The following ATG13 variants were observed in gnomAD, a reference collection of about 807,000 sequenced individuals.
ATG13 encodes the protein autophagy related 13.
ATG13 carries 23 observed loss-of-function variants against 65.5 expected under a neutral mutation model. The ratio of observed to expected loss-of-function variants is 0.35; its 90% CI spans 0.25 to 0.50. The LOEUF (loss-of-function observed/expected upper bound fraction) is 0.50, where lower values mean the gene tolerates loss of function less well. ATG13 is among the 20% of genes least tolerant of loss of function. The probability of loss-of-function intolerance (pLI) is 0.98; values close to 1 mark genes in which losing one functional copy is unlikely to be tolerated. For missense variants in ATG13, 566 were observed against 677.0 expected, an observed-to-expected ratio of 0.84 and a Z score of 1.82; for synonymous variants, 252 against 245.2, an observed-to-expected ratio of 1.03 and a Z score of -0.26.
chr11:46,650,073 T>C (rs1380046970), intron 6 of ATG13, 104 bp from the exon 7 acceptor site: 2 of 1,288,762 alleles, frequency 1.6e-6, no homozygotes, highest in Admixed American at 4.3e-5. Flanking sequence ...AAAGGTGTAA[T>C]TAGAGTTCTC....
At chr11:46,670,054 C>G (rs201512493) in intron 18 of ATG13, among the ~76,000 whole-genome samples, 1 of 151,342 alleles carries the variant, frequency 6.6e-6, no homozygotes, top group Admixed American at 6.6e-5. Context: ...GTGCCCCGCA[C>G]AAGCCACAAA....
rs138260981 is a variant in ATG13 at position 46,661,215 on chromosome 11, A to G, written c.789+1730A>G. 4.5e-3 allele frequency among the ~76,000 whole-genome samples: 676 copies of G among 151,878 alleles called. 6 individuals are homozygous for G. The highest frequency in any genetic ancestry group is 0.016 in the African/African-American group (647 of 41,458). On this transcript the variant is annotated intron_variant, in intron 11 of 18. Transcript: ENST00000683050. ...TCCATCTTTGGTTGTTGGAGGAGAT[A>G]TTGGATTAAAGTCATAGTTCTGCCG... is the stretch of plus-strand genomic sequence containing the variant.
chr11:46,668,836 G>A lies in ATG13; in HGVS notation c.1372G>A (p.Gly458Ser). ...CCCAGAGACTGAATCTCCTCTCCAG[G>A]GCAGCCTGCACTCAGATGGCTCCAG... ...DSPETESPLQ[G>S]SLHSDGSSGG... The change falls in exon 17 of 19, where the codon GGC (glycine) becomes AGC (serine). Residue 458 changes from glycine (G) to serine (S), a missense_variant. By Grantham distance (56) the Gly-to-Ser change is moderately conservative. Transcript: ENST00000683050. The A allele has an allele frequency of 1.9e-6, 3 of 1,613,904 alleles. No individual in the cohort carries two copies. The highest frequency in any genetic ancestry group is 2.2e-5 in the South Asian group (2 of 91,076).
chr11:46,668,212 G>A (rs1231352337), intron 15 of ATG13, among the ~76,000 whole-genome samples: 2 of 152,178 alleles, frequency 1.3e-5, no homozygotes, highest in East Asian at 1.9e-4. Flanking sequence ...CCTCCTCAGC[G>A]GGGCCAGTGA....
intron 7 of ATG13, among the ~76,000 whole-genome samples, chr11:46,652,048 G>T (rs1191539543): frequency 6.6e-6 from 1 of 152,002 alleles, no homozygotes; most frequent in Admixed American, 6.6e-5. Context: ...AGGAGTTCGA[G>T]ACAAGCCTGA....
chr11:46,626,472 A>G (rs1296178058), intron 1 of ATG13, among the ~76,000 whole-genome samples: 2 of 149,270 alleles, frequency 1.3e-5, no homozygotes, highest in Non-Finnish European at 3.0e-5. Flanking sequence ...CTGATCTCGA[A>G]CTCCTGACCT....
At chr11:46,646,041 A>G (rs1237982700) in intron 5 of ATG13, 52 bp downstream of exon 5, 8 of 1,607,524 alleles carry the variant, frequency 5.0e-6, no homozygotes, top group African/African-American at 1.3e-5. Flanking sequence ...GGCTCCTCAC[A>G]CTCTGAGTCC....
chr11:46,646,727 A>G (rs894874326), intron 5 of ATG13, among the ~76,000 whole-genome samples: 39 of 151,804 alleles, frequency 2.6e-4, no homozygotes, highest in Non-Finnish European at 1.5e-4. Flanking sequence ...GGCCTCCTAA[A>G]GTGCTGGGAT....
chr11:46,645,754 A>C, intron 4 of ATG13, 116 bp from the exon 5 acceptor site: 1 of 1,406,866 alleles, frequency 7.1e-7, no homozygotes, highest in Non-Finnish European at 9.7e-7. Context: ...GGAGAAGTGA[A>C]TGAATTGTCT....
chr11:46,629,055 A>G (rs1256003410), intron 1 of ATG13, among the ~76,000 whole-genome samples: 2 of 150,372 alleles, frequency 1.3e-5, no homozygotes, highest in African/African-American at 4.9e-5. Context: ...AGATCCTCCC[A>G]CCTTAGCCTT....
At chr11:46,659,282 G>A in intron 10 of ATG13, 110 bp from the exon 11 acceptor site, 1 of 822,956 alleles carries the variant, frequency 1.2e-6, no homozygotes, top group East Asian at 2.5e-5. Flanking sequence ...TACGAACTGT[G>A]TGAAACCGTT....
intron 8 of ATG13, 114 bp downstream of exon 8, chr11:46,656,387 C>T (rs1432819534): frequency 1.8e-6 from 2 of 1,105,068 alleles, no homozygotes; most frequent in African/African-American, 3.2e-5. Context: ...ATGCATAATA[C>T]AAGTAAAGAA....
At chr11:46,660,386 GTT>G (rs34196614) in intron 11 of ATG13, among the ~76,000 whole-genome samples, 1 of 131,146 alleles carries the variant, frequency 7.6e-6, no homozygotes, top group Non-Finnish European at 1.6e-5. Context: ...GTTGTTGTTG[GTT>G]TTTTTTTTTT....
intron 8 of ATG13, chr11:46,656,802 A>T: frequency 5.4e-6 from 2 of 368,494 alleles, no homozygotes; most frequent in Non-Finnish European, 9.8e-6. Flanking sequence ...TAAAACTAAC[A>T]GTTATTTTAT....
At chr11:46,671,044 C>CT (rs1252388106) in intron 18 of ATG13, among the ~76,000 whole-genome samples, 6 of 152,184 alleles carry the variant, frequency 3.9e-5, no homozygotes, top group African/African-American at 1.4e-4. Context: ...AACCACTAAA[C>CT]TCCCTTGCCT....
intron 7 of ATG13, among the ~76,000 whole-genome samples, chr11:46,656,031 T>A (rs754319347): frequency 1.6e-4 from 24 of 152,214 alleles, no homozygotes; most frequent in Non-Finnish European, 2.9e-4. Context: ...TTATTTTCCT[T>A]ATTTTTTAAC....
chr11:46,635,800 C>T (rs1381140286), intron 2 of ATG13, among the ~76,000 whole-genome samples: 2 of 152,118 alleles, frequency 1.3e-5, no homozygotes, highest in African/African-American at 4.8e-5. Flanking sequence ...ATAATCCTTT[C>T]AATGCTACCA....
chr11:46,672,359 C>A lies in ATG13; in HGVS notation c.*27C>A. ...AGTATCCTTGAGTCCCAGCAGCACC[C>A]CCTTTTTGTGGCCCCAGGGCATAAG... On this transcript the variant is annotated 3_prime_UTR_variant, in exon 19 of 19. Coordinates refer to ENST00000683050, the MANE Select transcript of ATG13 (RefSeq NM_001346311.2). The A allele has an allele frequency of 6.2e-7, 1 of 1,614,110 alleles. No individual in the cohort carries two copies.
chr11:46,622,110 TATATATATATATATATA>T (rs2047832616), intron 1 of ATG13, among the ~76,000 whole-genome samples: 1 of 93,776 alleles, frequency 1.1e-5, no homozygotes, highest in African/African-American at 4.2e-5. Flanking sequence ...TATATATATA[TATATATATATATATATA>T]TTTATTTTAG....
Sources: allele counts gnomAD v4.1 joint callset (sites outside exome capture counted in the v4.1 genomes callset), GRCh38; gene constraint gnomAD v4.1.1; transcripts MANE v1.5; gene names NCBI Gene and HGNC (gene_info 2026-07-23, HGNC 2026-07-21).